USP34: variants seen among roughly 807,000 people sequenced by gnomAD.
USP34 encodes the protein ubiquitin carboxyl-terminal hydrolase 34.
A neutral mutation model predicts 460.3 loss-of-function variants in USP34; 70 were observed. The ratio of observed to expected loss-of-function variants is 0.15; its 90% CI spans 0.13 to 0.19. USP34 has a LOEUF of 0.19. Ranked by LOEUF, USP34 falls within the 10% of genes least tolerant of loss-of-function variation. The pLI, the probability that USP34 is intolerant of heterozygous loss-of-function variation, is 1.00. For missense variants in USP34, 3,985 were observed against 4,236.2 expected (o/e 0.94, Z 1.65); for synonymous variants, 1,647 against 1,405.3 (o/e 1.17, Z -3.85).
intron 8 of USP34, 89 bp downstream of exon 8, chr2:61,378,274 A>G: frequency 1.0e-6 from 1 of 1,001,958 alleles, no homozygotes; most frequent in Non-Finnish European, 1.5e-6. Context: ...TTTCTAGTAA[A>G]AATTTTAAAT....
chr2:61,465,741 G>T (rs1248780113), intron 1 of USP34, among the ~76,000 whole-genome samples: 1 of 152,152 alleles, frequency 6.6e-6, no homozygotes, highest in Non-Finnish European at 1.5e-5. Flanking sequence ...ACTTTGGGAG[G>T]CCGAGGCAGG....
intron 43 of USP34, among the ~76,000 whole-genome samples, 191 bp from the exon 44 acceptor site, chr2:61,259,967 T>G (rs1265287550): frequency 1.3e-5 from 2 of 152,230 alleles, no homozygotes; most frequent in African/African-American, 4.8e-5. Context: ...GTTACATAAA[T>G]ACAGCTATTA....
intron 51 of USP34, 124 bp downstream of exon 51, chr2:61,245,084 CTG>C: frequency 1.6e-6 from 1 of 621,134 alleles, no homozygotes; most frequent in Non-Finnish European, 2.7e-6. Flanking sequence ...TAAATATAAA[CTG>C]AATAAATTTT....
chr2:61,436,879 T>C (rs1442477380), intron 1 of USP34, among the ~76,000 whole-genome samples: 3 of 152,034 alleles, frequency 2.0e-5, no homozygotes, highest in Non-Finnish European at 2.9e-5. Flanking sequence ...TAGAAATCAA[T>C]ACAAGAGAAA....
In USP34 at chr2:61,396,507, TA is replaced by T. The variant is rs1299398082; in HGVS notation, c.553-1275del. Among the ~76,000 whole-genome samples the T allele has an allele frequency of 9.9e-5, 13 of 130,706 alleles. No individual in the cohort carries two copies. The South Asian group carries it at 3.2e-3, about 32-fold the overall frequency. 85.7% of individuals were successfully genotyped at this position (130,706 alleles called of 152,430 possible). The stretch of plus-strand genomic sequence containing the variant: ...TTCCAGCTAATTTTTTTTTTTTTTT[TA>T]GACGGAGTCTCGCACTGTCGCTCAG... On this transcript the variant is annotated intron_variant, in intron 3 of 79. Transcript: ENST00000398571.
At chr2:61,226,781 C>A (rs911925641) in intron 62 of USP34, 8 of 262,346 alleles carry the variant, frequency 3.0e-5, no homozygotes, top group African/African-American at 8.9e-5. Flanking sequence ...AACGAATGCA[C>A]GCTCTATTTT....
intron 10 of USP34, among the ~76,000 whole-genome samples, chr2:61,359,464 A>G (rs951239235): frequency 3.3e-5 from 5 of 152,228 alleles, no homozygotes; most frequent in Admixed American, 6.5e-5. Flanking sequence ...TACTTAAAAG[A>G]AAAATCTTTT....
At chr2:61,299,164 A>T (rs1690141470) in intron 29 of USP34, among the ~76,000 whole-genome samples, 1 of 152,158 alleles carries the variant, frequency 6.6e-6, no homozygotes, top group African/African-American at 2.4e-5. Flanking sequence ...GAGGTATAAG[A>T]AACAGAAGGC....
chr2:61,232,399 A>T (rs1245465336), intron 58 of USP34, 53 bp downstream of exon 58: 2 of 1,405,196 alleles, frequency 1.4e-6, no homozygotes, highest in East Asian at 2.3e-5. Flanking sequence ...GAATAATTAA[A>T]TTGAAAGTAA....
chr2:61,324,381 A>C (rs1691020817), intron 21 of USP34, among the ~76,000 whole-genome samples: 1 of 152,222 alleles, frequency 6.6e-6, no homozygotes, highest in Non-Finnish European at 1.5e-5. Context: ...CATCACCCAT[A>C]AAGCCAAGTG....
chr2:61,227,221 A>T lies in USP34; in HGVS notation c.7444-3T>A. 1.2e-6 allele frequency: 2 copies of T among 1,604,878 alleles called. No individual in the cohort carries two copies. Among genetic ancestry groups the T allele is most frequent in the Non-Finnish European group, 1.7e-6 (2 of 1,175,258 alleles). ...TCTGATAACACTTCAACTTGAGGCT[A>T]AGTTGGAATAAAATTCAATTTTAAT... On this transcript the variant is annotated splice_region_variant and splice_polypyrimidine_tract_variant and intron_variant, in intron 61 of 79. Coordinates refer to ENST00000398571, the MANE Select transcript of USP34 (RefSeq NM_014709.4).
chr2:61,221,682 C>G (rs993820061), intron 65 of USP34, 76 bp from the exon 66 acceptor site: 1 of 1,284,890 alleles, frequency 7.8e-7, no homozygotes, highest in Non-Finnish European at 1.1e-6. Context: ...AACATATATT[C>G]TACTACACAC....
chr2:61,308,812 G>A (rs542871205), intron 27 of USP34, among the ~76,000 whole-genome samples: 5 of 152,210 alleles, frequency 3.3e-5, no homozygotes, highest in Non-Finnish European at 7.4e-5. Flanking sequence ...AGGCCTAAGT[G>A]GGCAGAAAGC....
At chr2:61,421,719 T>C (rs1558584907) in intron 1 of USP34, among the ~76,000 whole-genome samples, 1 of 152,214 alleles carries the variant, frequency 6.6e-6, no homozygotes, top group Non-Finnish European at 1.5e-5. Context: ...TAATATGTCC[T>C]ACTATACCAG....
chr2:61,293,574 A>T, intron 32 of USP34, 24 bp from the exon 33 acceptor site: 1 of 1,582,252 alleles, frequency 6.3e-7, no homozygotes, highest in South Asian at 1.1e-5. Context: ...TGAAAGTAAT[A>T]GTAAGAGAAA....
intron 20 of USP34, among the ~76,000 whole-genome samples, chr2:61,326,762 A>C (rs1175417569): frequency 6.7e-6 from 1 of 149,260 alleles, no homozygotes; most frequent in Non-Finnish European, 1.5e-5. Context: ...CCTAGCATGC[A>C]GAAGGTCAAT....
At chr2:61,349,317 A>C in intron 12 of USP34, 32 bp from the exon 13 acceptor site, 1 of 1,608,700 alleles carries the variant, frequency 6.2e-7, no homozygotes, top group Non-Finnish European at 8.5e-7. Context: ...GGAGAAAAAC[A>C]TTCTAAGTGA....
At position 61,348,299 on chromosome 2, in the gene USP34, G is replaced by T; in HGVS notation, c.1856C>A (p.Ala619Asp). ...ATCGTCTTCATCTTCCTCTTTGAGGGCTTCAATATCTGCAATGTCTTCTGA... is the reference window on the plus strand; with the variant it reads ...ATCGTCTTCATCTTCCTCTTTGAGGTCTTCAATATCTGCAATGTCTTCTGA... ...VQSEDIADIEALKEEDEDDDH... is the reference protein window; with the variant it reads ...VQSEDIADIEDLKEEDEDDDH... The change falls in exon 15 of 80, where the codon GCC (alanine) becomes GAC (aspartate). Residue 619 changes from alanine to aspartate, a missense_variant. Transcript: ENST00000398571. The T allele has an allele frequency of 6.2e-7, 1 of 1,614,074 alleles. No homozygotes were observed. The highest frequency in any genetic ancestry group is 8.5e-7 in the Non-Finnish European group (1 of 1,180,032).
At chr2:61,392,426 C>G (rs555404021) in intron 5 of USP34, among the ~76,000 whole-genome samples, 7 of 152,242 alleles carry the variant, frequency 4.6e-5, no homozygotes, top group African/African-American at 1.4e-4. Flanking sequence ...GAGTTCGAGA[C>G]CAGCCTGGAC....
Sources: gnomAD v4.1 joint callset for allele counts (sites outside exome capture counted in the v4.1 genomes callset) on GRCh38, gnomAD v4.1.1 for gene constraint, MANE v1.5 for transcripts, NCBI Gene and HGNC (gene_info 2026-07-23, HGNC 2026-07-21) for gene names.